NAALADL2: variants seen among roughly 807,000 people sequenced by gnomAD.
The protein encoded by NAALADL2 is N-acetylated alpha-linked acidic dipeptidase like 2.
In NAALADL2, 76 loss-of-function variants were observed where a neutral mutation model predicts 87.2. The observed-to-expected ratio is 0.87, with a 90% confidence interval of 0.72 to 1.05. The LOEUF (loss-of-function observed/expected upper bound fraction) is 1.05, where lower values mean the gene tolerates loss of function less well. NAALADL2 is among the 50% of genes least tolerant of loss of function. NAALADL2 has a pLI of 0.00. For synonymous variants in NAALADL2, 354 were observed against 331.0 expected (o/e 1.07, Z -0.75); for missense variants, 1,089 against 945.8 (o/e 1.15, Z -1.99).
chr3:175,256,207 T>C (rs1219192995), intron 3 of NAALADL2, among the ~76,000 whole-genome samples: 1 of 152,178 alleles, frequency 6.6e-6, no homozygotes, highest in Admixed American at 6.5e-5. Flanking sequence ...ACTCACACAT[T>C]TTCTCTAGTG....
intron 13 of NAALADL2, chr3:175,774,884 TTC>T (rs1750006369): frequency 6.6e-6 from 1 of 152,064 alleles, no homozygotes; most frequent in Admixed American, 6.6e-5. Context: ...CTTCATTGAT[TTC>T]TTTTTTATGT....
chr3:175,650,128 T>G (rs1432470227), intron 11 of NAALADL2, among the ~76,000 whole-genome samples: 1 of 148,512 alleles, frequency 6.7e-6, no homozygotes, highest in African/African-American at 2.5e-5. Context: ...GACATATCCA[T>G]GCAAATAATA....
At chr3:174,899,433 G>C (rs1732035908) in intron 1 of NAALADL2, among the ~76,000 whole-genome samples, 1 of 151,960 alleles carries the variant, frequency 6.6e-6, no homozygotes, top group Non-Finnish European at 1.5e-5. Context: ...ATGGTTTAAA[G>C]TCCTCCCCTT....
At chr3:174,804,756 TA>T (rs766785890) in intron 3 of NAALADL2, among the ~76,000 whole-genome samples, 1 of 152,154 alleles carries the variant, frequency 6.6e-6, no homozygotes, top group Non-Finnish European at 1.5e-5. Context: ...ATCTATACAG[TA>T]AAAAAGTAGG....
intron 1 of NAALADL2, among the ~76,000 whole-genome samples, chr3:174,908,789 G>A (rs774965542): frequency 6.6e-6 from 1 of 152,010 alleles, no homozygotes; most frequent in Non-Finnish European, 1.5e-5. Context: ...AAAAATTGAT[G>A]TTTGTCTGGA....
chr3:174,679,839 ATTTCT>A (rs1242420039), intron 2 of NAALADL2, among the ~76,000 whole-genome samples: 3 of 152,190 alleles, frequency 2.0e-5, no homozygotes, highest in Non-Finnish European at 4.4e-5. Context: ...ATGATTAGAA[ATTTCT>A]TTAGGGAGAA....
rs117925110 is a variant in NAALADL2 at position 174,774,949 on chromosome 3, C to G, written c.-9+37203C>G. The stretch of plus-strand genomic sequence containing the variant: ...CTGTTGGTTTTTACTTCAGTTCTCA[C>G]AAACGGAAAAGTTAGGCTGTTCTGC... On this transcript the variant is annotated intron_variant, in intron 3 of 3. Coordinates refer to the NAALADL2 transcript ENST00000434257. Among the ~76,000 whole-genome samples, 11 of 152,210 alleles carry G rather than the reference C, an allele frequency of 7.2e-5. No individual in the cohort carries two copies. The East Asian group carries it at 1.5e-3, about 21-fold the overall frequency.
At chr3:175,140,646 A>G (rs997616712) in intron 2 of NAALADL2, among the ~76,000 whole-genome samples, 1 of 152,160 alleles carries the variant, frequency 6.6e-6, no homozygotes, top group African/African-American at 2.4e-5. Flanking sequence ...GAACGAAAAC[A>G]TTACGTTTGG....
chr3:175,327,140 C>G (rs994521724), intron 5 of NAALADL2, among the ~76,000 whole-genome samples: 8 of 136,554 alleles, frequency 5.9e-5, no homozygotes, highest in African/African-American at 2.0e-4. Context: ...TATCAACTGT[C>G]TACATTTCTT....
At chr3:174,463,653 T>G (rs1267615408) in intron 1 of NAALADL2, among the ~76,000 whole-genome samples, 1 of 144,592 alleles carries the variant, frequency 6.9e-6, no homozygotes, top group Admixed American at 7.3e-5. Context: ...CAGGCTAGAG[T>G]GCAGTGTTGC....
At chr3:175,363,409 T>TA (rs111663238) in intron 5 of NAALADL2, among the ~76,000 whole-genome samples, 8 of 147,922 alleles carry the variant, frequency 5.4e-5, no homozygotes, top group African/African-American at 2.0e-4. Flanking sequence ...TATTTAAACA[T>TA]AAAATACCAA....
chr3:175,121,020 C>A (rs1171966062), intron 2 of NAALADL2, among the ~76,000 whole-genome samples: 1 of 151,752 alleles, frequency 6.6e-6, no homozygotes, highest in Admixed American at 6.6e-5. Flanking sequence ...ATGAGTCCCC[C>A]TTTTTGCATC....
Position 174,601,270 on chromosome 3 carries a change from G to A in NAALADL2, c.-115+50633G>A, listed in dbSNP as rs113523833. On this transcript the variant is annotated intron_variant, in intron 2 of 3. Transcript: ENST00000434257. ...ACATTCACACCAACAGTTGTGCGAG[G>A]GTTTCCTTTTTCTCCACATCCTCAC... 8.6e-3 allele frequency among the ~76,000 whole-genome samples: 1,302 copies of A among 152,136 alleles called. 14 individuals are homozygous for A. The highest frequency in any genetic ancestry group is 0.03 in the African/African-American group (1,257 of 41,522).
chr3:175,102,536 C>G (rs866129550), intron 2 of NAALADL2, among the ~76,000 whole-genome samples: 1 of 152,116 alleles, frequency 6.6e-6, no homozygotes, highest in South Asian at 2.1e-4. Flanking sequence ...AATAGTAAAG[C>G]AGTCAATCAC....
chr3:175,581,335 A>G (rs1422097754), intron 10 of NAALADL2: 5 of 162,250 alleles, frequency 3.1e-5, no homozygotes, highest in African/African-American at 9.6e-5. Context: ...CCAGCTACTC[A>G]GGAGGCTGAG....
chr3:175,644,397 C>A (rs1452432549), intron 11 of NAALADL2, among the ~76,000 whole-genome samples: 1 of 151,818 alleles, frequency 6.6e-6, no homozygotes, highest in African/African-American at 2.4e-5. Context: ...TAATTTTTTT[C>A]ACACTTATTT....
intron 5 of NAALADL2, among the ~76,000 whole-genome samples, chr3:175,440,144 C>T (rs981195565): frequency 3.0e-4 from 45 of 152,218 alleles, no homozygotes; most frequent in African/African-American, 1.1e-3. Context: ...GAATACGGTG[C>T]CCTTCCCCAC....
intron 1 of NAALADL2, among the ~76,000 whole-genome samples, chr3:175,077,954 A>T (rs1716941180): frequency 6.6e-6 from 1 of 151,864 alleles, no homozygotes; most frequent in African/African-American, 2.4e-5. Context: ...GCTCTAGCCT[A>T]TATGGACTAC....
chr3:175,037,150 TACAA>T (rs937328646), intron 1 of NAALADL2, among the ~76,000 whole-genome samples: 1 of 152,122 alleles, frequency 6.6e-6, no homozygotes, highest in Non-Finnish European at 1.5e-5. Context: ...GATCATTTAT[TACAA>T]ACAGAGAGAG....
Sources: gnomAD v4.1 joint callset for allele counts (sites outside exome capture counted in the v4.1 genomes callset) on GRCh38, gnomAD v4.1.1 for gene constraint, MANE v1.5 for transcripts, NCBI Gene and HGNC (gene_info 2026-07-23, HGNC 2026-07-21) for gene names.